The following KCNIP3 variants were observed in gnomAD, a reference collection of about 807,000 sequenced individuals.
The protein encoded by KCNIP3 is calsenilin.
In KCNIP3, 28 loss-of-function variants were observed where a neutral mutation model predicts 35.0. The observed-to-expected ratio is 0.80, with a 90% CI of 0.59 to 1.10. KCNIP3 has a LOEUF of 1.10. KCNIP3 is among the 50% of genes least tolerant of loss of function. The pLI is 0.00. For synonymous variants in KCNIP3, 134 were observed against 133.8 expected (o/e 1.00, Z -0.01); for missense variants, 295 against 338.4 (o/e 0.87, Z 1.01).
chr2:95,310,996 C>G (rs535931604), intron 2 of KCNIP3: 1 of 199,036 alleles, frequency 5.0e-6, no homozygotes, highest in African/African-American at 2.3e-5. Flanking sequence ...CTCCTTGGTC[C>G]TGTTCAGTGC....
At chr2:95,329,467 C>A (rs981000084) in intron 2 of KCNIP3, among the ~76,000 whole-genome samples, 6 of 152,244 alleles carry the variant, frequency 3.9e-5, no homozygotes, top group African/African-American at 1.4e-4. Context: ...TGCTCACATG[C>A]CCTGACATGG....
At chr2:95,356,031 C>T (rs1384036357) in intron 2 of KCNIP3, among the ~76,000 whole-genome samples, 14 of 152,144 alleles carry the variant, frequency 9.2e-5, no homozygotes, top group South Asian at 4.1e-4. Context: ...TTTTAATGAT[C>T]GCCATTCTAA....
intron 2 of KCNIP3, among the ~76,000 whole-genome samples, chr2:95,341,527 G>A (rs1679194534): frequency 2.6e-5 from 4 of 152,188 alleles, no homozygotes; most frequent in Admixed American, 2.6e-4. Flanking sequence ...GAGGAAACAG[G>A]CTCTCCAGAA....
At chr2:95,322,024 C>A (rs1678609256) in intron 2 of KCNIP3, among the ~76,000 whole-genome samples, 1 of 152,180 alleles carries the variant, frequency 6.6e-6, no homozygotes, top group East Asian at 1.9e-4. Flanking sequence ...CAAATTGCTT[C>A]TAACCTCTCT....
intron 1 of KCNIP3, among the ~76,000 whole-genome samples, chr2:95,306,598 G>A (rs553173819): frequency 3.9e-4 from 59 of 152,278 alleles, no homozygotes; most frequent in Non-Finnish European, 6.3e-4. Context: ...GGCCTTAAAC[G>A]CCTGGGGCAG....
chr2:95,374,994 G>A (rs1414430203), intron 4 of KCNIP3, 77 bp downstream of exon 4: 2 of 1,548,550 alleles, frequency 1.3e-6, no homozygotes, highest in Non-Finnish European at 1.8e-6. Context: ...TTGCATCCTG[G>A]AGGCTTGGTG....
At chr2:95,365,436 A>G (rs1292139427) in intron 2 of KCNIP3, among the ~76,000 whole-genome samples, 9 of 152,190 alleles carry the variant, frequency 5.9e-5, no homozygotes, top group African/African-American at 1.9e-4. Flanking sequence ...TGCTGGGATT[A>G]CAGGCATGAG....
intron 2 of KCNIP3, among the ~76,000 whole-genome samples, chr2:95,370,910 A>G (rs540288302): frequency 6.6e-5 from 10 of 151,758 alleles, no homozygotes; most frequent in Non-Finnish European, 1.0e-4. Flanking sequence ...ACAGGTGTGC[A>G]CCACCACACC....
intron 2 of KCNIP3, among the ~76,000 whole-genome samples, chr2:95,372,973 C>G (rs544401939): frequency 6.6e-6 from 1 of 152,314 alleles, no homozygotes; most frequent in African/African-American, 2.4e-5. Context: ...GGGTATGGAG[C>G]AAGCTCAGCA....
chr2:95,310,875 C>T, intron 2 of KCNIP3: 1 of 330,234 alleles, frequency 3.0e-6, no homozygotes, highest in Non-Finnish European at 5.8e-6. Flanking sequence ...CTCATTGATC[C>T]TTTCTAAGCC....
rs369722375 is a variant in KCNIP3, at chr2:95,326,234, TACACAC to T, written c.181+15720_181+15725del. Among the ~76,000 whole-genome samples, 11 of 129,700 alleles carry T rather than the reference TACACAC, an allele frequency of 8.5e-5. 1 individual carries two copies. Among genetic ancestry groups the T allele is most frequent in the African/African-American group, 3.5e-4 (11 of 31,862 alleles). The allele number at this position is 129,700 out of a possible 152,430, so 85.1% of individuals were successfully genotyped here. ...ACACACACACTCATACACATACACA[TACACAC>T]ACACAACACTCACACATACACTCAC... On this transcript the variant is annotated intron_variant, in intron 2 of 8. Transcript: ENST00000295225.
At chr2:95,347,118 G>A in intron 2 of KCNIP3, 1 of 1,609,680 alleles carries the variant, frequency 6.2e-7, no homozygotes, top group South Asian at 1.1e-5. Context: ...CCATATCCAT[G>A]GAAGGTAACG....
At chr2:95,304,833 A>G (rs760995688) in intron 1 of KCNIP3, among the ~76,000 whole-genome samples, 12 of 152,104 alleles carry the variant, frequency 7.9e-5, no homozygotes, top group Non-Finnish European at 1.6e-4. Flanking sequence ...GGCCAGGAGG[A>G]CTTAGAAGGA....
At chr2:95,319,116 C>A (rs944865706) in intron 2 of KCNIP3, among the ~76,000 whole-genome samples, 1 of 152,210 alleles carries the variant, frequency 6.6e-6, no homozygotes, top group African/African-American at 2.4e-5. Context: ...GAGAAGCATG[C>A]AAATGTAAGA....
intron 1 of KCNIP3, among the ~76,000 whole-genome samples, chr2:95,300,734 C>A (rs573705520): frequency 6.6e-6 from 1 of 152,358 alleles, no homozygotes; most frequent in South Asian, 2.1e-4. Flanking sequence ...GGGAAAGAAG[C>A]AAGGGGACCT....
chr2:95,380,738 T>A (rs1344740455), intron 5 of KCNIP3, among the ~76,000 whole-genome samples: 3 of 152,164 alleles, frequency 2.0e-5, no homozygotes, highest in Admixed American at 6.5e-5. Context: ...TTGGGCGAGG[T>A]GGCCCTGGGA....
intron 2 of KCNIP3, among the ~76,000 whole-genome samples, chr2:95,372,487 G>T (rs1680063636): frequency 6.6e-6 from 1 of 152,218 alleles, no homozygotes; most frequent in African/African-American, 2.4e-5. Context: ...AGATACTACA[G>T]TATGTCTATA....
chr2:95,306,184 C>T lies in KCNIP3; in HGVS notation c.16-4171C>T, dbSNP rs536423614. Reference sequence around the variant, plus strand: ...GTCATTATCTTTGGTTCTAGCTGTTCGGACAGGCACATGGTGGTGTCTCAC... The same window carrying T: ...GTCATTATCTTTGGTTCTAGCTGTTTGGACAGGCACATGGTGGTGTCTCAC... On this transcript the variant is annotated intron_variant, in intron 1 of 8. Coordinates refer to ENST00000295225, the MANE Select transcript of KCNIP3 (RefSeq NM_013434.5). Among the ~76,000 whole-genome samples, 4 of 152,318 alleles carry T rather than the reference C, an allele frequency of 2.6e-5. No homozygotes were observed. The South Asian group carries it at 6.2e-4, about 24-fold the overall frequency.
chr2:95,346,640 G>A (rs1679376666), intron 2 of KCNIP3: 2 of 145,650 alleles, frequency 1.4e-5, no homozygotes, highest in Admixed American at 1.4e-4. Flanking sequence ...GCGCCCGCGG[G>A]GCTGGAGAGG....
Sources: allele counts gnomAD v4.1 joint callset (sites outside exome capture counted in the v4.1 genomes callset), GRCh38; gene constraint gnomAD v4.1.1; transcripts MANE v1.5; gene names NCBI Gene and HGNC (gene_info 2026-07-23, HGNC 2026-07-21).